Variants in NDFIP2 observed in about 807,000 individuals in gnomAD.
NDFIP2 encodes the protein Nedd4 family interacting protein 2, also known as NEDD4 family-interacting protein 2.
In NDFIP2, 19 loss-of-function variants were observed where a neutral mutation model predicts 36.0. That is an observed-to-expected ratio of 0.53 (90% CI 0.37 to 0.77). The LOEUF (loss-of-function observed/expected upper bound fraction) is 0.77. Among genes scored for constraint, NDFIP2 ranks in the 30% least tolerant of loss-of-function variants. The pLI is 0.00. For missense variants in NDFIP2, 446 were observed against 435.8 expected (o/e 1.02, Z -0.21); for synonymous variants, 181 against 167.7 (o/e 1.08, Z -0.61).
chr13:79,533,893 TA>T (rs1390708576), intron 3 of NDFIP2, among the ~76,000 whole-genome samples: 4 of 152,174 alleles, frequency 2.6e-5, no homozygotes, highest in Non-Finnish European at 5.9e-5. Context: ...CTAACCCGTG[TA>T]TTGTTGAAGG....
chr13:79,546,832 G>C (rs1023871152), intron 5 of NDFIP2, among the ~76,000 whole-genome samples: 1 of 151,858 alleles, frequency 6.6e-6, no homozygotes, highest in Admixed American at 6.6e-5. Flanking sequence ...ATTCTTTTTT[G>C]TTCTTACAGC....
At chr13:79,532,828 T>C (rs959665631) in intron 2 of NDFIP2, among the ~76,000 whole-genome samples, 18 of 152,204 alleles carry the variant, frequency 1.2e-4, no homozygotes, top group African/African-American at 4.3e-4. Flanking sequence ...ATGTTTAATA[T>C]TGTGCAAGTA....
chr13:79,495,164 T>C (rs1873389609), intron 1 of NDFIP2, among the ~76,000 whole-genome samples: 1 of 152,072 alleles, frequency 6.6e-6, no homozygotes, highest in Non-Finnish European at 1.5e-5. Context: ...AACTTGATAA[T>C]ATACTGTGTG....
intron 1 of NDFIP2, among the ~76,000 whole-genome samples, chr13:79,512,274 T>C (rs1172148565): frequency 6.6e-6 from 1 of 152,188 alleles, no homozygotes; most frequent in East Asian, 1.9e-4. Context: ...AACCAAAGCA[T>C]TGGAATATTT....
At chr13:79,534,969 G>A (rs1043108603) in intron 3 of NDFIP2, among the ~76,000 whole-genome samples, 3 of 152,152 alleles carry the variant, frequency 2.0e-5, no homozygotes, top group African/African-American at 4.8e-5. Flanking sequence ...AGTAAACTCC[G>A]AATTTATTTT....
At chr13:79,486,057 G>A (rs150505125) in intron 1 of NDFIP2, among the ~76,000 whole-genome samples, 4 of 152,122 alleles carry the variant, frequency 2.6e-5, no homozygotes, top group Non-Finnish European at 4.4e-5. Context: ...CCACATGTAC[G>A]TATTCAACAC....
intron 2 of NDFIP2, among the ~76,000 whole-genome samples, chr13:79,531,196 A>G: frequency 6.6e-6 from 1 of 152,220 alleles, no homozygotes; most frequent in East Asian, 1.9e-4. Flanking sequence ...ATATTTTGAA[A>G]GATCTTTTTC....
chr13:79,509,921 G>T (rs980066091), intron 1 of NDFIP2, among the ~76,000 whole-genome samples: 1 of 152,092 alleles, frequency 6.6e-6, no homozygotes, highest in Non-Finnish European at 1.5e-5. Flanking sequence ...TTCTAGCTGC[G>T]CTGGCAGTTG....
At chr13:79,537,044 T>A (rs1320783617) in intron 3 of NDFIP2, among the ~76,000 whole-genome samples, 1 of 135,330 alleles carries the variant, frequency 7.4e-6, no homozygotes, top group Non-Finnish European at 1.7e-5. Flanking sequence ...TGAGATCTTG[T>A]CTTAATTTTT....
At chr13:79,552,430 T>A (rs754854220) in intron 7 of NDFIP2, 86 bp from the exon 8 acceptor site, 3 of 151,832 alleles carry the variant, frequency 2.0e-5, no homozygotes, top group Non-Finnish European at 4.4e-5. Flanking sequence ...TTAATATAAT[T>A]CTTCTATAAA....
chr13:79,495,393 A>G (rs934657089), intron 1 of NDFIP2, among the ~76,000 whole-genome samples: 1 of 151,878 alleles, frequency 6.6e-6, no homozygotes, highest in Non-Finnish European at 1.5e-5. Context: ...GAAATGTCCC[A>G]CTTTATCTCT....
At chr13:79,509,690 T>TAGAGAGAG (rs71106101) in intron 1 of NDFIP2, among the ~76,000 whole-genome samples, 7,824 of 147,844 alleles carry the variant, frequency 0.053, 256 homozygotes, top group Middle Eastern at 0.17. Flanking sequence ...TATATATATA[T>TAGAGAGAG]AGAGAGAGAG....
intron 3 of NDFIP2, among the ~76,000 whole-genome samples, chr13:79,538,775 G>A (rs1285717628): frequency 6.6e-6 from 1 of 152,188 alleles, no homozygotes; most frequent in African/African-American, 2.4e-5. Context: ...TAGAGGCAGG[G>A]TTTCACCATG....
Position 79,481,544 on chromosome 13 carries a change from T to G in NDFIP2, c.321+20T>G. On this transcript the variant is annotated intron_variant, in intron 1 of 7. Transcript: ENST00000218652. Reference sequence around the variant, plus strand: ...CAGGTGGTGAGTTCCCGGCCTCCTGTGCCTCCCGGGACTGCCTCCCGCCGC... The same window carrying G: ...CAGGTGGTGAGTTCCCGGCCTCCTGGGCCTCCCGGGACTGCCTCCCGCCGC... The G allele has an allele frequency of 6.5e-7, 1 of 1,540,180 alleles. No individual in the cohort carries two copies. The highest frequency in any genetic ancestry group is 8.7e-7 in the Non-Finnish European group (1 of 1,143,470).
chr13:79,539,872 A>AT lies in NDFIP2; in HGVS notation c.715+98dup. 3.3e-6 allele frequency: 3 copies of AT among 918,686 alleles called. No individual in the cohort carries two copies. The South Asian group carries it at 4.3e-5, about 13-fold the overall frequency. The allele number at this position is 918,686 out of a possible 1,614,324, so 56.9% of individuals were successfully genotyped here. A position where few individuals can be genotyped will look rare whatever the true frequency, so the allele number is the denominator to read the frequency against. On this transcript the variant is annotated intron_variant, in intron 4 of 7. Coordinates refer to ENST00000218652, the MANE Select transcript of NDFIP2 (RefSeq NM_019080.3). ...GAAGAGAAGCAAATATTGTTAGCAT[A>AT]TGTCTACCTTTCTTAAAATGTAAAT...
At chr13:79,521,104 A>G in intron 2 of NDFIP2, 129 bp downstream of exon 2, 3 of 735,716 alleles carry the variant, frequency 4.1e-6, no homozygotes, top group Non-Finnish European at 6.4e-6. Flanking sequence ...ATGTATATAC[A>G]TACTGTGTGC....
intron 2 of NDFIP2, among the ~76,000 whole-genome samples, chr13:79,525,402 T>A (rs749969395): frequency 2.0e-5 from 3 of 152,350 alleles, no homozygotes; most frequent in Non-Finnish European, 4.4e-5. Context: ...TTACTGTAGA[T>A]CTTAGCAACC....
chr13:79,499,569 G>C (rs572036120), intron 1 of NDFIP2, among the ~76,000 whole-genome samples: 1 of 151,996 alleles, frequency 6.6e-6, no homozygotes, highest in East Asian at 1.9e-4. Flanking sequence ...ACAAAAGACT[G>C]TTTTCCTAAA....
At chr13:79,525,607 G>A (rs1051539381) in intron 2 of NDFIP2, among the ~76,000 whole-genome samples, 2 of 152,116 alleles carry the variant, frequency 1.3e-5, no homozygotes, top group African/African-American at 4.8e-5. Context: ...ATAACCTAGA[G>A]TTGCTAAATG....
Sources: gnomAD v4.1 joint callset for allele counts (sites outside exome capture counted in the v4.1 genomes callset) on GRCh38, gnomAD v4.1.1 for gene constraint, MANE v1.5 for transcripts, NCBI Gene and HGNC (gene_info 2026-07-23, HGNC 2026-07-21) for gene names.